IQCM: variants seen among roughly 807,000 people sequenced by gnomAD.
IQCM encodes IQ motif containing M, also known as IQ domain-containing protein M.
Under a neutral mutation model 57.6 loss-of-function variants are expected in IQCM, and 45 were observed. The observed-to-expected ratio is 0.78, with a 90% confidence interval of 0.62 to 1.00. IQCM has a LOEUF of 1.00. IQCM is among the 50% of genes least tolerant of loss of function. IQCM has a pLI of 0.00. For missense variants in IQCM, 468 were observed against 511.6 expected (o/e 0.91, Z 0.82); for synonymous variants, 148 against 158.9 (o/e 0.93, Z 0.51).
chr4:149,745,474 C>A (rs1767840124), intron 2 of IQCM, among the ~76,000 whole-genome samples: 1 of 152,160 alleles, frequency 6.6e-6, no homozygotes, highest in Admixed American at 6.5e-5. Context: ...GGATGACCTA[C>A]CTTCTCACAT....
chr4:149,460,354 T>G (rs1389168525), intron 12 of IQCM, among the ~76,000 whole-genome samples: 1 of 152,162 alleles, frequency 6.6e-6, no homozygotes, highest in Admixed American at 6.5e-5. Flanking sequence ...TGTTCTCCCA[T>G]TTTTTGGGTT....
At chr4:149,380,962 T>A (rs1182184164) in intron 13 of IQCM, among the ~76,000 whole-genome samples, 1 of 152,196 alleles carries the variant, frequency 6.6e-6, no homozygotes, top group East Asian at 1.9e-4. Context: ...CCTCTTGCAA[T>A]CTTTGCTTAG....
intron 13 of IQCM, among the ~76,000 whole-genome samples, chr4:149,358,436 G>C (rs1265847839): frequency 6.6e-6 from 1 of 152,098 alleles, no homozygotes; most frequent in Non-Finnish European, 1.5e-5. Flanking sequence ...ATAGATTCTG[G>C]TATGTTGTGT....
intron 12 of IQCM, among the ~76,000 whole-genome samples, chr4:149,476,828 C>G (rs1335394959): frequency 2.0e-5 from 3 of 152,086 alleles, no homozygotes; most frequent in Non-Finnish European, 4.4e-5. Flanking sequence ...GAAAAAAAAC[C>G]TTCTCCATCT....
intron 13 of IQCM, among the ~76,000 whole-genome samples, chr4:149,423,139 G>A (rs1454624335): frequency 1.3e-5 from 2 of 152,048 alleles, no homozygotes; most frequent in African/African-American, 2.4e-5. Flanking sequence ...GAACTTCCTT[G>A]AGGCTGGGTA....
At chr4:149,567,180 A>ACTTTTTTCT (rs1469323206) in intron 9 of IQCM, among the ~76,000 whole-genome samples, 1 of 151,836 alleles carries the variant, frequency 6.6e-6, no homozygotes, top group African/African-American at 2.4e-5. Flanking sequence ...CTTCTTTGTG[A>ACTTTTTTCT]CTTATTTGCA....
intron 13 of IQCM, among the ~76,000 whole-genome samples, chr4:149,386,569 A>C (rs1014441050): frequency 6.6e-6 from 1 of 152,054 alleles, no homozygotes; most frequent in East Asian, 1.9e-4. Context: ...CCTTTGTATT[A>C]TCTGATATGA....
rs572744495 is a variant in IQCM, at chr4:149,704,874, C to CA, written c.386-18407dup. On this transcript the variant is annotated intron_variant, in intron 5 of 13. Transcript: ENST00000636793. ...CAGTCCATCAAGTAGTCAAATAAAG[C>CA]AAAAAGGCAGAAGAAGGGCAAATTC... 2.5e-3 allele frequency among the ~76,000 whole-genome samples: 380 copies of CA among 151,816 alleles called. 1 individual carries two copies. The highest frequency in any genetic ancestry group is 8.6e-3 in the African/African-American group (358 of 41,478).
intron 2 of IQCM, among the ~76,000 whole-genome samples, chr4:149,786,643 C>A (rs1290339175): frequency 6.6e-6 from 1 of 152,108 alleles, no homozygotes; most frequent in Non-Finnish European, 1.5e-5. Context: ...CCATCTCACA[C>A]CAGTCAGAAT....
intron 12 of IQCM, among the ~76,000 whole-genome samples, chr4:149,528,850 G>T (rs1028461986): frequency 6.6e-6 from 1 of 152,164 alleles, no homozygotes; most frequent in Non-Finnish European, 1.5e-5. Context: ...ATGGCATTCT[G>T]CTTGAGATGA....
chr4:149,763,897 G>C (rs1387020742), intron 2 of IQCM, among the ~76,000 whole-genome samples: 2 of 151,712 alleles, frequency 1.3e-5, no homozygotes, highest in East Asian at 3.9e-4. Context: ...GAAGATGTTG[G>C]AACAGAAAAC....
At chr4:149,808,377 G>T (rs946159800) in intron 2 of IQCM, among the ~76,000 whole-genome samples, 1 of 152,128 alleles carries the variant, frequency 6.6e-6, no homozygotes, top group Non-Finnish European at 1.5e-5. Flanking sequence ...TGGAGATAGA[G>T]AATAGAATAG....
chr4:149,508,038 C>T (rs1247651226), intron 12 of IQCM, among the ~76,000 whole-genome samples: 1 of 151,796 alleles, frequency 6.6e-6, no homozygotes, highest in Non-Finnish European at 1.5e-5. Flanking sequence ...TTGGCAGCTT[C>T]CACATGGTGT....
intron 13 of IQCM, among the ~76,000 whole-genome samples, chr4:149,405,927 A>AAT (rs1226458888): frequency 7.0e-5 from 10 of 142,694 alleles, no homozygotes; most frequent in Admixed American, 5.7e-4. Flanking sequence ...CATATATGTA[A>AAT]ATATATATAT....
chr4:149,784,455 G>A (rs570636203), intron 2 of IQCM, among the ~76,000 whole-genome samples: 27 of 152,166 alleles, frequency 1.8e-4, no homozygotes, highest in Non-Finnish European at 2.8e-4. Context: ...TTGCTCTTTC[G>A]CCCAGGCTGG....
chr4:149,591,787 CT>C (rs1177170699), intron 8 of IQCM, among the ~76,000 whole-genome samples: 1 of 152,130 alleles, frequency 6.6e-6, no homozygotes, highest in East Asian at 1.9e-4. Flanking sequence ...TGAACTCATC[CT>C]TTTTTATGTC....
chr4:149,563,454 C>T (rs1309255836), intron 10 of IQCM, among the ~76,000 whole-genome samples: 4 of 151,986 alleles, frequency 2.6e-5, no homozygotes, highest in Non-Finnish European at 4.4e-5. Context: ...GATGTGGTGG[C>T]AGGCACCTGT....
intron 13 of IQCM, among the ~76,000 whole-genome samples, chr4:149,354,465 C>A (rs1409676704): frequency 6.6e-6 from 1 of 150,508 alleles, no homozygotes; most frequent in Non-Finnish European, 1.5e-5. Flanking sequence ...GAAAGGCAAC[C>A]ACAGATTAGT....
At chr4:149,419,143 T>G (rs1437311879) in intron 13 of IQCM, among the ~76,000 whole-genome samples, 1 of 152,108 alleles carries the variant, frequency 6.6e-6, no homozygotes, top group Non-Finnish European at 1.5e-5. Flanking sequence ...GAAACTATTT[T>G]AAAATTCATA....
Sources: allele counts gnomAD v4.1 joint callset (sites outside exome capture counted in the v4.1 genomes callset), GRCh38; gene constraint gnomAD v4.1.1; transcripts MANE v1.5; gene names NCBI Gene and HGNC (gene_info 2026-07-23, HGNC 2026-07-21).